The following PLXDC2 variants were observed in gnomAD, a reference collection of about 807,000 sequenced individuals.
PLXDC2 encodes plexin domain-containing protein 2.
A neutral mutation model predicts 68.9 loss-of-function variants in PLXDC2; 40 were observed. That is an observed-to-expected ratio of 0.58 (90% CI 0.45 to 0.76). PLXDC2 has a LOEUF of 0.76. Among genes scored for constraint, PLXDC2 ranks in the 30% least tolerant of loss-of-function variants. The pLI is 0.00. For missense variants in PLXDC2, 644 were observed against 661.9 expected (o/e 0.97, Z 0.30); for synonymous variants, 243 against 234.2 (o/e 1.04, Z -0.34).
intron 2 of PLXDC2, among the ~76,000 whole-genome samples, chr10:20,044,318 C>G (rs113138957): frequency 0.017 from 2,348 of 134,234 alleles, 72 homozygotes; most frequent in African/African-American, 0.061. Flanking sequence ...CTCTTTCTTT[C>G]TTTCCTTCTT....
chr10:20,154,004 T>C (rs1834184884), intron 6 of PLXDC2, among the ~76,000 whole-genome samples: 1 of 152,150 alleles, frequency 6.6e-6, no homozygotes, highest in Admixed American at 6.5e-5. Context: ...CCACAGCATT[T>C]ATCTTATTAA....
chr10:20,021,526 C>T (rs1257368001), intron 2 of PLXDC2, among the ~76,000 whole-genome samples: 2 of 151,940 alleles, frequency 1.3e-5, no homozygotes, highest in African/African-American at 4.8e-5. Context: ...AATTTTTCAT[C>T]CACAGATTAT....
intron 2 of PLXDC2, among the ~76,000 whole-genome samples, chr10:20,028,653 C>G (rs1835447431): frequency 6.6e-6 from 1 of 152,188 alleles, no homozygotes; most frequent in South Asian, 2.1e-4. Flanking sequence ...GAGTGCTCCT[C>G]TCCCTCTCAA....
chr10:20,160,269 A>T lies in PLXDC2; in HGVS notation c.784-4199A>T, dbSNP rs558050351. Among the ~76,000 whole-genome samples the T allele has an allele frequency of 8.5e-5, 13 of 152,278 alleles. No homozygotes were observed. In the South Asian group the frequency reaches 2.7e-3, roughly 32 times the overall value. On this transcript the variant is annotated intron_variant, in intron 6 of 13. Transcript: ENST00000377252. ...CCCCAATTATATTAAGACTCATAGT[A>T]GAGTTATATGGTAGTGGTGGTTTGA...
rs569589707 is a variant in PLXDC2 at position 19,873,719 on chromosome 10, A to T, written c.112+56528A>T. Among the ~76,000 whole-genome samples the T allele has an allele frequency of 1.9e-3, 284 of 152,362 alleles. 2 individuals are homozygous for T. Among genetic ancestry groups the T allele is most frequent in the Non-Finnish European group, 5.6e-4 (38 of 68,024 alleles). ...TCTTATAAAACGTTATATAAAGTTT[A>T]CTTTTTACTAGAAAATGTACATGAT... On this transcript the variant is annotated intron_variant, in intron 1 of 13. Transcript: ENST00000377252.
At chr10:19,893,487 C>G (rs755852315) in intron 1 of PLXDC2, among the ~76,000 whole-genome samples, 1 of 152,134 alleles carries the variant, frequency 6.6e-6, no homozygotes, top group South Asian at 2.1e-4. Context: ...AGAAAGTCAT[C>G]TAACACAAAT....
intron 1 of PLXDC2, among the ~76,000 whole-genome samples, chr10:19,975,941 T>A (rs1456931073): frequency 6.6e-6 from 1 of 151,752 alleles, no homozygotes; most frequent in African/African-American, 2.4e-5. Flanking sequence ...GAGGGGGAGA[T>A]TGTAATGAGC....
intron 2 of PLXDC2, among the ~76,000 whole-genome samples, chr10:20,027,997 G>T (rs985541974): frequency 2.0e-5 from 3 of 152,166 alleles, no homozygotes; most frequent in Non-Finnish European, 4.4e-5. Context: ...GTGCAAAGTG[G>T]TAAGCTCTAA....
At chr10:19,892,148 A>C (rs1422132894) in intron 1 of PLXDC2, among the ~76,000 whole-genome samples, 12 of 152,226 alleles carry the variant, frequency 7.9e-5, no homozygotes, top group Non-Finnish European at 1.5e-4. Context: ...ATAAATGTTT[A>C]CATATAACAA....
chr10:20,219,705 A>G (rs749364775), intron 12 of PLXDC2, among the ~76,000 whole-genome samples: 1 of 152,190 alleles, frequency 6.6e-6, no homozygotes, highest in Non-Finnish European at 1.5e-5. Context: ...TTAGAAATAG[A>G]TCTTTTTCCT....
intron 1 of PLXDC2, among the ~76,000 whole-genome samples, chr10:19,841,478 A>T (rs1007893896): frequency 3.3e-5 from 5 of 151,482 alleles, no homozygotes; most frequent in African/African-American, 4.9e-5. Flanking sequence ...TAGAAGAAAA[A>T]TCTTGTTTAT....
intron 7 of PLXDC2, among the ~76,000 whole-genome samples, chr10:20,165,450 C>A (rs969933598): frequency 3.3e-5 from 5 of 151,902 alleles, no homozygotes; most frequent in African/African-American, 1.2e-4. Context: ...CACAACAGTC[C>A]CCAGAGTATG....
intron 13 of PLXDC2, among the ~76,000 whole-genome samples, chr10:20,260,450 C>G (rs1431022605): frequency 1.3e-5 from 2 of 152,140 alleles, no homozygotes; most frequent in Non-Finnish European, 2.9e-5. Flanking sequence ...CATGCAGTAT[C>G]TTTCTTTCTA....
chr10:19,950,986 A>T (rs921717314), intron 1 of PLXDC2, among the ~76,000 whole-genome samples: 2 of 152,218 alleles, frequency 1.3e-5, no homozygotes, highest in Admixed American at 6.5e-5. Context: ...TGCCATATAT[A>T]AAAATTAACT....
At chr10:19,981,671 T>A (rs750586896) in intron 1 of PLXDC2, among the ~76,000 whole-genome samples, 3 of 152,164 alleles carry the variant, frequency 2.0e-5, no homozygotes, top group Non-Finnish European at 4.4e-5. Context: ...TGGGTGACAA[T>A]CTTATTTTTT....
At chr10:20,242,572 A>G (rs951079809) in intron 12 of PLXDC2, among the ~76,000 whole-genome samples, 1 of 152,086 alleles carries the variant, frequency 6.6e-6, no homozygotes, top group East Asian at 1.9e-4. Context: ...ACCTATTTCC[A>G]AAAGCCTTTA....
At chr10:19,972,671 A>G (rs1834375503) in intron 1 of PLXDC2, among the ~76,000 whole-genome samples, 1 of 152,240 alleles carries the variant, frequency 6.6e-6, no homozygotes, top group South Asian at 2.1e-4. Context: ...GTATCTGGCA[A>G]TCATGACCAA....
At chr10:20,257,999 T>TTTTTTTTTTTTTTTTTTTTTTTTTTC (rs1835764115) in intron 13 of PLXDC2, among the ~76,000 whole-genome samples, 1 of 44,946 alleles carries the variant, frequency 2.2e-5, no homozygotes, top group Non-Finnish European at 5.2e-5. Context: ...TTTTCTTTCT[T>TTTTTTTTTTTTTTTTTTTTTTTTTTC]TTTTTTTTTT....
At chr10:20,216,123 T>C (rs1459342257) in intron 10 of PLXDC2, among the ~76,000 whole-genome samples, 1 of 150,796 alleles carries the variant, frequency 6.6e-6, no homozygotes, top group Non-Finnish European at 1.5e-5. Context: ...AAAAAAAAAA[T>C]AAAAAAATAG....
Sources: allele counts gnomAD v4.1 joint callset (sites outside exome capture counted in the v4.1 genomes callset), GRCh38; gene constraint gnomAD v4.1.1; transcripts MANE v1.5; gene names NCBI Gene and HGNC (gene_info 2026-07-23, HGNC 2026-07-21).